Variants in ZFHX3 observed in about 807,000 individuals in gnomAD.
The protein encoded by ZFHX3 is zinc finger homeobox 3.
ZFHX3 carries 42 observed loss-of-function variants against 279.1 expected under a neutral mutation model. That is an observed-to-expected ratio of 0.15 (90% confidence interval 0.12 to 0.19). The LOEUF (loss-of-function observed/expected upper bound fraction) is 0.19, where lower values mean the gene tolerates loss of function less well. Among genes scored for constraint, ZFHX3 ranks in the 10% least tolerant of loss-of-function variants. The pLI, the probability that ZFHX3 is intolerant of heterozygous loss-of-function variation, is 1.00. For missense variants in ZFHX3, 4,981 were observed against 4,754.0 expected (o/e 1.05, Z -1.40); for synonymous variants, 2,293 against 1,957.8 (o/e 1.17, Z -4.52).
At chr16:73,660,678 C>T (rs569457005) in intron 2 of ZFHX3, among the ~76,000 whole-genome samples, 9 of 152,130 alleles carry the variant, frequency 5.9e-5, no homozygotes, top group East Asian at 3.9e-4. Context: ...ACAATGAAAA[C>T]GTGCTTTTGC....
At chr16:73,668,407 C>T (rs1426263491) in intron 2 of ZFHX3, among the ~76,000 whole-genome samples, 1 of 152,008 alleles carries the variant, frequency 6.6e-6, no homozygotes, top group Non-Finnish European at 1.5e-5. Context: ...TTGCACCCAT[C>T]AACCCATCAT....
At chr16:73,555,725 A>T (rs923403982) in intron 2 of ZFHX3, among the ~76,000 whole-genome samples, 3 of 151,734 alleles carry the variant, frequency 2.0e-5, no homozygotes, top group African/African-American at 7.3e-5. Context: ...CCAGCTACTG[A>T]GCAGGCTGAG....
At chr16:72,935,642 G>A (rs999372741) in intron 3 of ZFHX3, among the ~76,000 whole-genome samples, 1 of 151,724 alleles carries the variant, frequency 6.6e-6, no homozygotes, top group Non-Finnish European at 1.5e-5. Flanking sequence ...TCGGAAGGCT[G>A]AGAATCGCTT....
In ZFHX3 at chr16:73,880,167, G is replaced by C. The variant is rs1273633758; in HGVS notation, c.-1608+11484C>G. Among the ~76,000 whole-genome samples the C allele has an allele frequency of 2.6e-5, 4 of 152,128 alleles. No homozygotes were observed. In the South Asian group the frequency reaches 8.3e-4, roughly 32 times the overall value. On this transcript the variant is annotated intron_variant, in intron 1 of 17. Coordinates refer to the ZFHX3 transcript ENST00000641206. ...TTCTCCGGAGGAAACAAAAGGAAGA[G>C]GTTGGCTCATGGAAGGTCGCTGTCA...
At chr16:72,906,751 T>G (rs549652327) in intron 3 of ZFHX3, among the ~76,000 whole-genome samples, 1 of 152,128 alleles carries the variant, frequency 6.6e-6, no homozygotes, top group African/African-American at 2.4e-5. Flanking sequence ...TGAGCCGAGA[T>G]CATGCCACTG....
intron 5 of ZFHX3, among the ~76,000 whole-genome samples, chr16:72,817,872 A>T (rs2036658689): frequency 6.6e-6 from 1 of 151,964 alleles, no homozygotes. Context: ...CAACCATCAG[A>T]CTCTTAGCTA....
intron 3 of ZFHX3, among the ~76,000 whole-genome samples, chr16:73,342,017 T>A (rs1394212751): frequency 1.3e-5 from 2 of 152,232 alleles, no homozygotes; most frequent in Admixed American, 6.5e-5. Context: ...TATATGTGAA[T>A]ATACTATAAT....
intron 2 of ZFHX3, chr16:73,680,091 C>A (rs1567549686): frequency 1.3e-5 from 2 of 152,102 alleles, no homozygotes; most frequent in African/African-American, 2.4e-5. Flanking sequence ...CTGAAATCAA[C>A]CTTTAACTAC....
At chr16:73,812,089 G>T (rs990477583) in intron 1 of ZFHX3, among the ~76,000 whole-genome samples, 1 of 152,168 alleles carries the variant, frequency 6.6e-6, no homozygotes, top group Non-Finnish European at 1.5e-5. Flanking sequence ...CAAACAGGCT[G>T]ATTCTGAGGC....
At chr16:73,056,289 T>G in intron 1 of ZFHX3, among the ~76,000 whole-genome samples, 1 of 152,182 alleles carries the variant, frequency 6.6e-6, no homozygotes, top group East Asian at 1.9e-4. Context: ...TCTCTTCTCA[T>G]ACACACACAG....
At chr16:72,994,005 C>A (rs1045357826) in intron 1 of ZFHX3, among the ~76,000 whole-genome samples, 1 of 152,142 alleles carries the variant, frequency 6.6e-6, no homozygotes, top group African/African-American at 2.4e-5. Flanking sequence ...ACTCCAGCCC[C>A]GACGACAGAT....
chr16:73,499,318 G>A (rs1383175699), intron 2 of ZFHX3: 1 of 152,226 alleles, frequency 6.6e-6, no homozygotes, highest in Non-Finnish European at 1.5e-5. Flanking sequence ...TTGCAAATGA[G>A]TCCGCGTGAT....
chr16:72,918,881 A>G (rs1321593108), intron 3 of ZFHX3, among the ~76,000 whole-genome samples: 1 of 151,928 alleles, frequency 6.6e-6, no homozygotes, highest in Admixed American at 6.6e-5. Context: ...TATTTTTAGT[A>G]GAAATGGGGT....
Position 72,795,667 on chromosome 16 carries a change from G to A in ZFHX3, c.7015C>T (p.Arg2339Cys), listed in dbSNP as rs1445487502. The change falls in exon 9 of 10, where the codon CGC becomes TGC. Residue 2339 changes from arginine (R) to cysteine (C), a missense_variant. Around this residue, in one of 7 missense-constraint regions of ZFHX3, gnomAD observed 177 missense variants for 244.2 expected, o/e 0.72. Coordinates refer to ENST00000268489, the MANE Select transcript of ZFHX3 (RefSeq NM_006885.4). The part of the protein sequence containing the change: ...QCKKCSLVFQ[R>C]IFDLIKHQKK... ...TGGTGCTTGATGAGATCAAAGATGC[G>A]CTGAAACACCAGGCTACATTTTTTG... 8 of 1,613,994 alleles carry A rather than the reference G, an allele frequency of 5.0e-6. No individual in the cohort carries two copies. The highest frequency in any genetic ancestry group is 2.2e-5 in the East Asian group (1 of 44,844).
chr16:72,822,542 T>A (rs528043071), intron 5 of ZFHX3, among the ~76,000 whole-genome samples: 5 of 152,322 alleles, frequency 3.3e-5, no homozygotes, highest in South Asian at 2.1e-4. Flanking sequence ...GTATTTTTTT[T>A]AAATAATCAT....
At chr16:73,140,143 C>T (rs1390333878) in intron 6 of ZFHX3, among the ~76,000 whole-genome samples, 1 of 152,072 alleles carries the variant, frequency 6.6e-6, no homozygotes, top group Non-Finnish European at 1.5e-5. Flanking sequence ...GGGCACGTGC[C>T]TGTATTCCCA....
chr16:72,933,501 C>T (rs918865351), intron 3 of ZFHX3, among the ~76,000 whole-genome samples: 25 of 152,126 alleles, frequency 1.6e-4, no homozygotes, highest in Admixed American at 1.6e-3. Flanking sequence ...ATACAGTAGA[C>T]ACTTAAGTAT....
At chr16:73,873,262 TG>T (rs1393975250) in intron 1 of ZFHX3, among the ~76,000 whole-genome samples, 3 of 14,066 alleles carry the variant, frequency 2.1e-4, no homozygotes, top group Admixed American at 1.1e-3. Context: ...TGGCGGTGGA[TG>T]GTGGTGGTGG....
At chr16:73,557,821 T>C (rs2020310158) in intron 2 of ZFHX3, among the ~76,000 whole-genome samples, 1 of 152,184 alleles carries the variant, frequency 6.6e-6, no homozygotes, top group Non-Finnish European at 1.5e-5. Flanking sequence ...CTCAGCCTCA[T>C]TTTATCCAGC....
Sources: gnomAD v4.1 joint callset for allele counts (sites outside exome capture counted in the v4.1 genomes callset) on GRCh38, gnomAD v4.1.1 for gene constraint, gnomAD v4.1.1 regional missense constraint, MANE v1.5 for transcripts, NCBI Gene and HGNC (gene_info 2026-07-23, HGNC 2026-07-21) for gene names.